The following GABRB1 variants were observed in gnomAD, a reference collection of about 807,000 sequenced individuals.
GABRB1 encodes the protein gamma-aminobutyric acid type A receptor subunit beta1.
A neutral mutation model predicts 51.6 loss-of-function variants in GABRB1; 17 were observed. The ratio of observed to expected loss-of-function variants is 0.33; its 90% CI spans 0.23 to 0.49. The LOEUF is 0.49. Among genes scored for constraint, GABRB1 ranks in the 20% least tolerant of loss-of-function variants. GABRB1 has a pLI of 0.99. For missense variants in GABRB1, 410 were observed against 600.6 expected (o/e 0.68, Z 3.32); for synonymous variants, 247 against 218.9 (o/e 1.13, Z -1.14).
intron 4 of GABRB1, among the ~76,000 whole-genome samples, chr4:47,221,015 T>C (rs1720747933): frequency 6.6e-6 from 1 of 152,074 alleles, no homozygotes; most frequent in South Asian, 2.1e-4. Context: ...ACAATTGCAC[T>C]AGGCGTTCAC....
chr4:47,418,437 A>G lies in GABRB1; in HGVS notation c.1081-7237A>G, dbSNP rs923566443. On this transcript the variant is annotated intron_variant, in intron 8 of 8. Coordinates refer to ENST00000295454, the MANE Select transcript of GABRB1 (RefSeq NM_000812.4). ...CTGGAAACCTCAGTTTTTGCTCTCA[A>G]TGCTTTCAATCAATAGCATGAGGCC... 5.9e-5 allele frequency among the ~76,000 whole-genome samples: 9 copies of G among 152,304 alleles called. 1 individual carries two copies. The South Asian group carries it at 1.5e-3, about 25-fold the overall frequency.
At chr4:47,112,137 T>A (rs1377891177) in intron 3 of GABRB1, among the ~76,000 whole-genome samples, 1 of 151,148 alleles carries the variant, frequency 6.6e-6, no homozygotes, top group Non-Finnish European at 1.5e-5. Context: ...GCCTGGCTAA[T>A]TTTTTTTGTT....
chr4:47,289,665 T>C (rs531837613), intron 4 of GABRB1, among the ~76,000 whole-genome samples: 2 of 152,348 alleles, frequency 1.3e-5, no homozygotes, highest in East Asian at 3.9e-4. Flanking sequence ...ACTGGTGTAC[T>C]GGATGAGTGA....
intron 4 of GABRB1, among the ~76,000 whole-genome samples, chr4:47,290,308 CTCTCT>C (rs1327150773): frequency 6.6e-6 from 1 of 152,208 alleles, no homozygotes; most frequent in Non-Finnish European, 1.5e-5. Context: ...CCTGCACAAG[CTCTCT>C]TCTCTTGTGT....
At chr4:47,078,812 A>AT (rs1240385428) in intron 3 of GABRB1, among the ~76,000 whole-genome samples, 2 of 151,900 alleles carry the variant, frequency 1.3e-5, no homozygotes, top group African/African-American at 4.8e-5. Context: ...TACTCCCTCG[A>AT]TTTTTTTTAT....
intron 5 of GABRB1, among the ~76,000 whole-genome samples, chr4:47,394,077 G>A (rs1728098579): frequency 6.6e-6 from 1 of 152,216 alleles, no homozygotes; most frequent in South Asian, 2.1e-4. Flanking sequence ...GCAGAGAAGA[G>A]TCAGCAAAGA....
intron 4 of GABRB1, among the ~76,000 whole-genome samples, chr4:47,247,943 C>A (rs1438276727): frequency 6.6e-6 from 1 of 152,026 alleles, no homozygotes; most frequent in Non-Finnish European, 1.5e-5. Flanking sequence ...GGTAAGCAAT[C>A]ATATCAGCAT....
chr4:47,237,773 A>C (rs897704289), intron 4 of GABRB1, among the ~76,000 whole-genome samples: 7 of 151,990 alleles, frequency 4.6e-5, no homozygotes, highest in Non-Finnish European at 7.4e-5. Context: ...CTTGCTTATT[A>C]ATTTTACAAA....
rs558308835 is a variant in GABRB1 at position 47,082,054 on chromosome 4, TA to T, written c.240+49575del. On this transcript the variant is annotated intron_variant, in intron 3 of 8. Transcript: ENST00000295454. ...GCTAATGTATAAAGTTATACAAATATAAAAATTTATAAACTGAAAGGTAGTG... is the reference window on the plus strand; with the variant it reads ...GCTAATGTATAAAGTTATACAAATATAAAATTTATAAACTGAAAGGTAGTG... Among the ~76,000 whole-genome samples the T allele has an allele frequency of 1.3e-3, 195 of 152,144 alleles. 1 individual carries two copies. The highest frequency in any genetic ancestry group is 4.6e-3 in the African/African-American group (190 of 41,538).
At chr4:47,254,654 G>A (rs527461406) in intron 4 of GABRB1, among the ~76,000 whole-genome samples, 22 of 151,936 alleles carry the variant, frequency 1.4e-4, no homozygotes, top group Middle Eastern at 3.4e-3. Context: ...TTACCAGGGT[G>A]AGCCACCATG....
intron 5 of GABRB1, among the ~76,000 whole-genome samples, chr4:47,351,222 C>T (rs1344324168): frequency 6.6e-6 from 1 of 152,138 alleles, no homozygotes; most frequent in Non-Finnish European, 1.5e-5. Flanking sequence ...GTGACATAAT[C>T]ACAAGATTAT....
chr4:47,218,400 G>C (rs1042568180), intron 4 of GABRB1, among the ~76,000 whole-genome samples: 5 of 151,626 alleles, frequency 3.3e-5, no homozygotes, highest in African/African-American at 1.2e-4. Context: ...TTAGTTTTTT[G>C]AGAAACCTCC....
intron 4 of GABRB1, among the ~76,000 whole-genome samples, chr4:47,279,327 G>A (rs903843261): frequency 1.3e-5 from 2 of 152,128 alleles, no homozygotes; most frequent in African/African-American, 2.4e-5. Context: ...AATTTAGCAG[G>A]TGGTGACAAG....
intron 3 of GABRB1, among the ~76,000 whole-genome samples, chr4:47,036,139 A>G (rs1351292849): frequency 6.6e-6 from 1 of 152,332 alleles, no homozygotes; most frequent in East Asian, 1.9e-4. Flanking sequence ...GTTCTTACAG[A>G]CATTACAGTG....
At chr4:47,002,206 A>G (rs1724253109) in intron 1 of GABRB1, among the ~76,000 whole-genome samples, 1 of 152,234 alleles carries the variant, frequency 6.6e-6, no homozygotes, top group African/African-American at 2.4e-5. Context: ...ACACATTTTA[A>G]AACTCTTTTT....
intron 4 of GABRB1, among the ~76,000 whole-genome samples, chr4:47,247,909 T>C (rs1450297799): frequency 6.6e-6 from 1 of 152,024 alleles, no homozygotes; most frequent in African/African-American, 2.4e-5. Flanking sequence ...TGGAGCTTTC[T>C]GGAGGAGTCT....
At chr4:47,030,935 C>A (rs139985472), upstream of GABRB1, among the ~76,000 whole-genome samples, 432 of 152,246 alleles carry the variant, frequency 2.8e-3, 2 homozygotes, top group African/African-American at 0.01. Flanking sequence ...GGATGAAAAA[C>A]GACAAGGGGA....
chr4:47,264,226 G>C (rs942655134), intron 4 of GABRB1, among the ~76,000 whole-genome samples: 1 of 152,128 alleles, frequency 6.6e-6, no homozygotes, highest in African/African-American at 2.4e-5. Context: ...GACTTCATAG[G>C]AAAGACTTAA....
At chr4:47,194,603 T>C (rs16860028) in intron 4 of GABRB1, among the ~76,000 whole-genome samples, 1,613 of 152,338 alleles carry the variant, frequency 0.011, 23 homozygotes, top group African/African-American at 0.037. Flanking sequence ...ATCAGGTGGG[T>C]GTCATTCAAA....
Sources: allele counts gnomAD v4.1 joint callset (sites outside exome capture counted in the v4.1 genomes callset), GRCh38; gene constraint gnomAD v4.1.1; transcripts MANE v1.5; gene names NCBI Gene and HGNC (gene_info 2026-07-23, HGNC 2026-07-21).